NKAIN2: variants seen among roughly 807,000 people sequenced by gnomAD.
NKAIN2 encodes the protein sodium/potassium-transporting ATPase subunit beta-1-interacting protein 2.
NKAIN2 carries 14 observed loss-of-function variants against 32.6 expected under a neutral mutation model. The observed-to-expected ratio is 0.43, with a 90% confidence interval of 0.28 to 0.67. The LOEUF (loss-of-function observed/expected upper bound fraction) is 0.67. Among genes scored for constraint, NKAIN2 ranks in the 30% least tolerant of loss-of-function variants. The pLI, the probability that NKAIN2 is intolerant of heterozygous loss-of-function variation, is 0.17. For missense variants in NKAIN2, 198 were observed against 258.3 expected, an observed-to-expected ratio of 0.77 and a Z score of 1.60; for synonymous variants, 80 against 87.2, an observed-to-expected ratio of 0.92 and a Z score of 0.46.
chr6:124,248,155 A>C (rs1793511298), intron 1 of NKAIN2, among the ~76,000 whole-genome samples: 1 of 152,116 alleles, frequency 6.6e-6, no homozygotes, highest in African/African-American at 2.4e-5. Flanking sequence ...AATTTTAATA[A>C]GATTTTCTGT....
At chr6:123,943,639 A>G (rs1776926472) in intron 1 of NKAIN2, among the ~76,000 whole-genome samples, 1 of 152,012 alleles carries the variant, frequency 6.6e-6, no homozygotes, top group African/African-American at 2.4e-5. Context: ...GAAGTATCTG[A>G]CTCATAGTCA....
At chr6:124,209,301 T>C (rs1297463384) in intron 1 of NKAIN2, among the ~76,000 whole-genome samples, 1 of 151,834 alleles carries the variant, frequency 6.6e-6, no homozygotes, top group Admixed American at 6.6e-5. Flanking sequence ...TGACAGGAGT[T>C]CATTCCTTTT....
At chr6:124,528,385 T>C (rs556023586) in intron 3 of NKAIN2, among the ~76,000 whole-genome samples, 99 of 152,358 alleles carry the variant, frequency 6.5e-4, no homozygotes, top group African/African-American at 2.3e-3. Context: ...TCACATACTG[T>C]AGTGCAGTGT....
intron 3 of NKAIN2, among the ~76,000 whole-genome samples, chr6:124,413,382 C>T (rs900333586): frequency 1.6e-4 from 25 of 152,120 alleles, no homozygotes; most frequent in African/African-American, 6.0e-4. Context: ...GTCTAAAGTC[C>T]ATTGTCTATA....
At chr6:124,562,827 T>C (rs1780745807) in intron 3 of NKAIN2, among the ~76,000 whole-genome samples, 2 of 152,002 alleles carry the variant, frequency 1.3e-5, no homozygotes, top group Non-Finnish European at 2.9e-5. Flanking sequence ...TCATATGCCA[T>C]ATAGCTTCGG....
chr6:124,616,589 C>G (rs1274159057), intron 3 of NKAIN2, among the ~76,000 whole-genome samples: 3 of 149,440 alleles, frequency 2.0e-5, no homozygotes, highest in African/African-American at 7.4e-5. Context: ...CTCAGCCTCC[C>G]GAGTAGCTGG....
chr6:124,271,801 ATGGAGATGAGGAACTTAT>A (rs1794806270), intron 1 of NKAIN2, among the ~76,000 whole-genome samples: 2 of 152,316 alleles, frequency 1.3e-5, no homozygotes, highest in South Asian at 4.1e-4. Flanking sequence ...GTGGTCACAG[ATGGAGATGAGGAACTTAT>A]TGGGAACTGG....
intron 3 of NKAIN2, among the ~76,000 whole-genome samples, chr6:124,635,059 G>C (rs966438166): frequency 6.8e-6 from 1 of 146,908 alleles, no homozygotes; most frequent in Non-Finnish European, 1.5e-5. Context: ...AGGAAAGAGA[G>C]AAAGAAAGAG....
chr6:124,741,166 A>G lies in NKAIN2; in HGVS notation c.475-50173A>G, dbSNP rs138848728. Among the ~76,000 whole-genome samples the G allele has an allele frequency of 1.6e-3, 249 of 151,750 alleles. 3 individuals are homozygous for G. The East Asian group carries it at 0.02, about 12-fold the overall frequency. On this transcript the variant is annotated intron_variant, in intron 4 of 6. Transcript: ENST00000368417. Reference sequence around the variant, plus strand: ...GGAGTGTAGTTAGAGGAGGAAAATCAGTGATTCTGTGTTGAACATATTAAG... The same window carrying G: ...GGAGTGTAGTTAGAGGAGGAAAATCGGTGATTCTGTGTTGAACATATTAAG...
chr6:124,289,801 A>G (rs568014818), intron 2 of NKAIN2, among the ~76,000 whole-genome samples: 3 of 152,236 alleles, frequency 2.0e-5, no homozygotes, highest in East Asian at 3.9e-4. Context: ...CATTTCTAAG[A>G]AGTCATTAAT....
chr6:124,070,064 C>A (rs1028193254), intron 1 of NKAIN2, among the ~76,000 whole-genome samples: 3 of 152,182 alleles, frequency 2.0e-5, no homozygotes, highest in Non-Finnish European at 2.9e-5. Flanking sequence ...ATTGTACCTT[C>A]GGCCACACCA....
intron 2 of NKAIN2, among the ~76,000 whole-genome samples, chr6:124,319,747 T>A (rs1797097092): frequency 6.6e-6 from 1 of 152,122 alleles, no homozygotes; most frequent in Non-Finnish European, 1.5e-5. Context: ...CTCAATCTTT[T>A]ATTATGCATC....
intron 3 of NKAIN2, among the ~76,000 whole-genome samples, chr6:124,608,363 G>A (rs1258759457): frequency 1.3e-5 from 2 of 152,104 alleles, no homozygotes; most frequent in East Asian, 3.8e-4. Context: ...GAACTGAATT[G>A]TCTTCCTTAT....
At chr6:124,807,190 T>A (rs1437948275) in intron 5 of NKAIN2, among the ~76,000 whole-genome samples, 2 of 152,148 alleles carry the variant, frequency 1.3e-5, no homozygotes, top group Non-Finnish European at 2.9e-5. Context: ...ATATACATTT[T>A]TTTCAGCACT....
chr6:124,624,851 A>ATAAG (rs149453688), intron 3 of NKAIN2, among the ~76,000 whole-genome samples: 2,416 of 152,252 alleles, frequency 0.016, 27 homozygotes, highest in African/African-American at 0.039. Flanking sequence ...GCAAATGGTT[A>ATAAG]TAAGTTATTT....
intron 3 of NKAIN2, among the ~76,000 whole-genome samples, chr6:124,545,983 T>C (rs1780081877): frequency 1.3e-5 from 2 of 152,154 alleles, no homozygotes; most frequent in African/African-American, 4.8e-5. Flanking sequence ...TTTAATGTTT[T>C]ATTTTGAACA....
At chr6:123,860,501 C>T (rs1223508242) in intron 1 of NKAIN2, among the ~76,000 whole-genome samples, 1 of 152,120 alleles carries the variant, frequency 6.6e-6, no homozygotes, top group East Asian at 1.9e-4. Flanking sequence ...GTCTCAACCT[C>T]CTGGGCTCAA....
At chr6:124,111,854 G>A (rs2114971479) in intron 1 of NKAIN2, among the ~76,000 whole-genome samples, 1 of 151,718 alleles carries the variant, frequency 6.6e-6, no homozygotes, top group South Asian at 2.1e-4. Flanking sequence ...ATTTGTATGT[G>A]TGTGTGTGTG....
chr6:123,969,778 C>G (rs1312744962), intron 1 of NKAIN2, among the ~76,000 whole-genome samples: 1 of 152,126 alleles, frequency 6.6e-6, no homozygotes, highest in Non-Finnish European at 1.5e-5. Flanking sequence ...AAGGATTTTA[C>G]TTTCCCAGCC....
Sources: gnomAD v4.1 joint callset for allele counts (sites outside exome capture counted in the v4.1 genomes callset) on GRCh38, gnomAD v4.1.1 for gene constraint, MANE v1.5 for transcripts, NCBI Gene and HGNC (gene_info 2026-07-23, HGNC 2026-07-21) for gene names.